The following COL12A1 variants were observed in gnomAD, a reference collection of about 807,000 sequenced individuals.
COL12A1 encodes collagen alpha-1(XII) chain.
A neutral mutation model predicts 349.7 loss-of-function variants in COL12A1; 114 were observed. The ratio of observed to expected loss-of-function variants is 0.33; its 90% CI spans 0.28 to 0.38. The LOEUF is 0.38. COL12A1 is among the 10% of genes least tolerant of loss of function. The pLI, the probability that COL12A1 is intolerant of heterozygous loss-of-function variation, is 1.00. For synonymous variants in COL12A1, 1,369 were observed against 1,329.0 expected (o/e 1.03, Z -0.66); for missense variants, 3,284 against 3,756.9 (o/e 0.87, Z 3.29).
chr6:75,133,254 CTT>C, intron 34 of COL12A1, 37 bp downstream of exon 34: 1 of 1,531,358 alleles, frequency 6.5e-7, no homozygotes, highest in Non-Finnish European at 8.8e-7. Context: ...AAAAGCAACA[CTT>C]ATGATGAAAA....
chr6:75,168,950 T>C (rs1441742849), intron 13 of COL12A1, among the ~76,000 whole-genome samples: 3 of 152,202 alleles, frequency 2.0e-5, no homozygotes, highest in Non-Finnish European at 2.9e-5. Context: ...AGAAAATCAC[T>C]GCTTTAGGCG....
intron 8 of COL12A1, among the ~76,000 whole-genome samples, chr6:75,188,091 T>G (rs1397051960): frequency 4.0e-5 from 6 of 151,004 alleles, no homozygotes; most frequent in Non-Finnish European, 8.9e-5. Flanking sequence ...CACAAAAGAG[T>G]CTTAAAGAAA....
intron 3 of COL12A1, among the ~76,000 whole-genome samples, chr6:75,193,270 T>G (rs1410155377): frequency 1.3e-5 from 2 of 152,134 alleles, no homozygotes; most frequent in African/African-American, 4.8e-5. Context: ...TGGACCCTGT[T>G]AGAACTGATT....
At position 75,152,318 on chromosome 6, in the gene COL12A1, G is replaced by T. The variant is rs1435193318; in HGVS notation, c.3715+15C>A. ...ATAAAAATGTCTAAATGGCTCCAAT[G>T]TTGTCAGAACCTACCAATTTGTACT... On this transcript the variant is annotated intron_variant, in intron 18 of 65. Transcript: ENST00000322507. 1 of 1,613,418 alleles carries T rather than the reference G, an allele frequency of 6.2e-7. No homozygotes were observed. Among genetic ancestry groups the T allele is most frequent in the Non-Finnish European group, 8.5e-7 (1 of 1,179,694 alleles).
intron 14 of COL12A1, 117 bp downstream of exon 14, chr6:75,165,390 A>G (rs1366837257): frequency 3.0e-6 from 4 of 1,319,180 alleles, no homozygotes; most frequent in Non-Finnish European, 4.1e-6. Flanking sequence ...CTAATTCCTC[A>G]GTCTTCATTT....
At chr6:75,091,755 T>C (rs893334209) in intron 60 of COL12A1, among the ~76,000 whole-genome samples, 5 of 152,150 alleles carry the variant, frequency 3.3e-5, no homozygotes, top group Non-Finnish European at 7.4e-5. Flanking sequence ...TCCTCCAAAA[T>C]AGTGCACAGA....
At chr6:75,186,918 G>A (rs572381257) in intron 8 of COL12A1, among the ~76,000 whole-genome samples, 4 of 152,082 alleles carry the variant, frequency 2.6e-5, no homozygotes, top group South Asian at 2.1e-4. Context: ...GCTAAATGAT[G>A]AGAACATATG....
intron 8 of COL12A1, among the ~76,000 whole-genome samples, chr6:75,186,256 T>G (rs1281715362): frequency 1.3e-5 from 2 of 152,008 alleles, no homozygotes; most frequent in African/African-American, 4.8e-5. Flanking sequence ...ATAAGGAACA[T>G]AAACAAATTT....
intron 14 of COL12A1, 103 bp downstream of exon 14, chr6:75,165,404 A>C (rs1374522500): frequency 1.4e-6 from 2 of 1,418,296 alleles, no homozygotes; most frequent in African/African-American, 2.9e-5. Context: ...TTCATTTATC[A>C]TGTAAAGAAA....
intron 14 of COL12A1, 35 bp from the exon 15 acceptor site, chr6:75,156,558 T>A (rs201381822): frequency 8.2e-6 from 13 of 1,594,958 alleles, no homozygotes; most frequent in Non-Finnish European, 4.3e-6. Flanking sequence ...CTGTATACCA[T>A]GTTGAAAAAA....
intron 31 of COL12A1, among the ~76,000 whole-genome samples, chr6:75,135,161 G>A (rs1334089726): frequency 2.0e-5 from 3 of 151,750 alleles, no homozygotes; most frequent in Admixed American, 6.6e-5. Flanking sequence ...AAAAAAAGGG[G>A]GCGGGGGGGA....
intron 43 of COL12A1, among the ~76,000 whole-genome samples, chr6:75,122,349 A>G (rs1298897104): frequency 6.6e-6 from 1 of 152,180 alleles, no homozygotes; most frequent in South Asian, 2.1e-4. Context: ...TGATGTGTCA[A>G]TGTAGGTTCA....
intron 21 of COL12A1, among the ~76,000 whole-genome samples, chr6:75,150,563 T>C (rs1767429626): frequency 6.6e-6 from 1 of 152,172 alleles, no homozygotes; most frequent in South Asian, 2.1e-4. Flanking sequence ...CATCTACAGT[T>C]GAGGCAAAGC....
In COL12A1 at chr6:75,183,861, A is replaced by G; in HGVS notation, c.1281T>C (p.Val427=). 6.2e-7 allele frequency: 1 copy of G among 1,614,056 alleles called. No homozygotes were observed. Among genetic ancestry groups the G allele is most frequent in the African/African-American group, 1.3e-5 (1 of 75,060 alleles). ...ATGCACACATTGACTTACCCACTTGAACTTTCATTGGCTGAGTCTTCTCCA... is the reference window on the plus strand; with the variant it reads ...ATGCACACATTGACTTACCCACTTGGACTTTCATTGGCTGAGTCTTCTCCA... The part of the protein sequence containing the change: ...SIMEKTQPMK[V]QVECSRGVDI... The change falls in exon 9 of 66, where the codon GTT becomes GTC. Residue 427 remains valine, a synonymous_variant. Coordinates refer to ENST00000322507, the MANE Select transcript of COL12A1 (RefSeq NM_004370.6).
In COL12A1 at chr6:75,186,662, G is replaced by A. The variant is rs182618629; in HGVS notation, c.997+1700C>T. 2.0e-5 allele frequency among the ~76,000 whole-genome samples: 3 copies of A among 152,194 alleles called. No homozygotes were observed. The East Asian group carries it at 5.8e-4, about 29-fold the overall frequency. On this transcript the variant is annotated intron_variant, in intron 8 of 65. Coordinates refer to ENST00000322507, the MANE Select transcript of COL12A1 (RefSeq NM_004370.6). The stretch of plus-strand genomic sequence containing the variant: ...AAATCATCCTATTATAAAGATAAAT[G>A]CACACGTATATTCACTACAGCACTA...
At chr6:75,099,576 C>T (rs1268888553) in intron 58 of COL12A1, among the ~76,000 whole-genome samples, 1 of 152,160 alleles carries the variant, frequency 6.6e-6, no homozygotes, top group Non-Finnish European at 1.5e-5. Context: ...TTATGAAGTA[C>T]TCAAAAAGGC....
chr6:75,138,553 A>G lies in COL12A1; in HGVS notation c.5125T>C (p.Leu1709=). 6.2e-7 allele frequency: 1 copy of G among 1,613,962 alleles called. No homozygotes were observed. The highest frequency in any genetic ancestry group is 1.1e-5 in the South Asian group (1 of 91,058). ...ETILNGDENT[L]VFENLNPNTI... is the part of the protein sequence containing the mutation. ...TTGGGGTTCAGGTTTTCGAACACCA[A>G]AGTGTTTTCATCTCCATTTAAGATG... is the stretch of plus-strand genomic sequence containing the variant. Residue 1709 remains leucine, a synonymous_variant, in exon 29 of 66, where the codon TTG becomes CTG. Coordinates refer to ENST00000322507, the MANE Select transcript of COL12A1 (RefSeq NM_004370.6).
chr6:75,106,270 G>A, intron 53 of COL12A1, 149 bp downstream of exon 53: 1 of 646,822 alleles, frequency 1.5e-6, no homozygotes, highest in Non-Finnish European at 2.7e-6. Flanking sequence ...TGGCTTTTCT[G>A]TAGTAGCTGG....
chr6:75,152,021 C>T lies in COL12A1; in HGVS notation c.3846G>A (p.Leu1282=). The change falls in exon 20 of 66, where the codon TTG becomes TTA. Residue 1282 remains leucine (L), a synonymous_variant. Transcript: ENST00000322507. ...TGAAGTTCTGTTGGCGAATGAAATT[C>T]AAAGCCATGCCTAGTGGGATTTTTA... ...KGGNTLTGMA[L]NFIRQQNFRT... 1 of 1,613,832 alleles carries T rather than the reference C, an allele frequency of 6.2e-7. No homozygotes were observed. Among genetic ancestry groups the T allele is most frequent in the South Asian group, 1.1e-5 (1 of 91,076 alleles).
Sources: allele counts gnomAD v4.1 joint callset (sites outside exome capture counted in the v4.1 genomes callset), GRCh38; gene constraint gnomAD v4.1.1; transcripts MANE v1.5; gene names NCBI Gene and HGNC (gene_info 2026-07-23, HGNC 2026-07-21).